Variants in LPCAT2 observed in about 807,000 individuals in gnomAD.
The protein encoded by LPCAT2 is lysophosphatidylcholine acyltransferase 2.
Under a neutral mutation model 64.7 loss-of-function variants are expected in LPCAT2, and 58 were observed. The ratio of observed to expected loss-of-function variants is 0.90; its 90% CI spans 0.73 to 1.12. The LOEUF (loss-of-function observed/expected upper bound fraction) is 1.12. Among genes scored for constraint, LPCAT2 ranks in the 50% most tolerant of loss-of-function variants. The pLI, the probability that LPCAT2 is intolerant of heterozygous loss-of-function variation, is 0.00. For synonymous variants in LPCAT2, 252 were observed against 245.3 expected (o/e 1.03, Z -0.26); for missense variants, 579 against 669.8 (o/e 0.86, Z 1.50).
intron 1 of LPCAT2, among the ~76,000 whole-genome samples, chr16:55,509,997 T>TTTTTTTTTTTTTTTTTTG (rs1962906725): frequency 6.8e-6 from 1 of 147,000 alleles, no homozygotes; most frequent in East Asian, 2.0e-4. Flanking sequence ...AAGTCTTTTT[T>TTTTTTTTTTTTTTTTTTG]TTTTTTTTTT....
chr16:55,579,273 A>G (rs1963863985), intron 13 of LPCAT2, 29 bp downstream of exon 13: 1 of 1,606,412 alleles, frequency 6.2e-7, no homozygotes, highest in South Asian at 1.1e-5. Context: ...CTCCTGACTT[A>G]GTTTACAAGG....
rs753281818 is a variant in LPCAT2 at position 55,509,324 on chromosome 16, C to T, written c.143C>T (p.Thr48Met). 2.7e-6 allele frequency: 4 copies of T among 1,468,068 alleles called. No homozygotes were observed. The highest frequency in any genetic ancestry group is 2.9e-5 in the African/African-American group (2 of 68,858). 90.9% of individuals were successfully genotyped at this position (1,468,068 alleles called of 1,614,324 possible). ...GTGCCGAACCCCTTCGTGCAGCAGA[C>T]GCAGATCGGCTCCGCGAGGCGGGTC... ...PPVPNPFVQQ[T>M]QIGSARRVQI... is the part of the protein sequence containing the mutation. Residue 48 changes from threonine (T) to methionine (M), a missense_variant, in exon 1 of 14, where the codon ACG becomes ATG. Coordinates refer to ENST00000262134, the MANE Select transcript of LPCAT2 (RefSeq NM_017839.5).
Position 55,579,097 on chromosome 16 carries a change from T to G in LPCAT2, c.1315-12T>G. 3.1e-6 allele frequency: 5 copies of G among 1,611,604 alleles called. No individual in the cohort carries two copies. The African/African-American group carries it at 5.3e-5, about 17-fold the overall frequency. On this transcript the variant is annotated splice_polypyrimidine_tract_variant and intron_variant, in intron 12 of 13. Coordinates refer to ENST00000262134, the MANE Select transcript of LPCAT2 (RefSeq NM_017839.5). ...CCTGAGGGAGCTAATTCTTACATTT[T>G]ATTTTCTTCAGCTGTTTGACGTTGA...
chr16:55,557,683 C>G (rs1417768789), intron 11 of LPCAT2, among the ~76,000 whole-genome samples: 2 of 152,070 alleles, frequency 1.3e-5, no homozygotes, highest in African/African-American at 4.8e-5. Context: ...CCCCTTTCTT[C>G]TTTTCTTTTC....
In LPCAT2 at chr16:55,509,219, C is replaced by T. The variant is rs779546294; in HGVS notation, c.38C>T (p.Thr13Ile). 1.4e-6 allele frequency: 2 copies of T among 1,434,542 alleles called. No individual in the cohort carries two copies. The highest frequency in any genetic ancestry group is 2.9e-5 in the South Asian group (2 of 68,968). The allele number at this position is 1,434,542 out of a possible 1,614,324, so 88.9% of individuals were successfully genotyped here. ...RCAQAAEVAATVPGAGVGNVG... is the reference protein window; with the variant it reads ...RCAQAAEVAAIVPGAGVGNVG... ...GCCCAGGCGGCGGAAGTGGCGGCCA[C>T]AGTGCCAGGTGCCGGCGTCGGGAAC... is the stretch of plus-strand genomic sequence containing the variant. The change falls in exon 1 of 14, where the codon ACA becomes ATA. Residue 13 changes from threonine (T) to isoleucine (I), a missense_variant. Transcript: ENST00000262134.
At position 55,551,093 on chromosome 16, in the gene LPCAT2, C is replaced by T. The variant is rs1388732898; in HGVS notation, c.1206C>T (p.Leu402=). 13 of 1,608,854 alleles carry T rather than the reference C, an allele frequency of 8.1e-6. No individual in the cohort carries two copies. Among genetic ancestry groups the T allele is most frequent in the Non-Finnish European group, 1.0e-5 (12 of 1,177,036 alleles). The part of the protein sequence containing the change: ...VSDVLRQLFA[L]FDRNHDGSID... ...ATGTCTTGAGACAACTTTTTGCACTCTTTGACAGGGTATGTTAAAATTTAA... is the reference window on the plus strand; with the variant it reads ...ATGTCTTGAGACAACTTTTTGCACTTTTTGACAGGGTATGTTAAAATTTAA... Residue 402 remains leucine (L), a synonymous_variant, in exon 11 of 14, where the codon CTC becomes CTT. Transcript: ENST00000262134.
chr16:55,511,409 G>A (rs1226616909), intron 1 of LPCAT2, among the ~76,000 whole-genome samples: 2 of 152,148 alleles, frequency 1.3e-5, no homozygotes, highest in East Asian at 3.9e-4. Flanking sequence ...AGTTTAAAAG[G>A]TGGACACACT....
At chr16:55,542,588 G>A (rs1963410673) in intron 8 of LPCAT2, among the ~76,000 whole-genome samples, 1 of 152,050 alleles carries the variant, frequency 6.6e-6, no homozygotes, top group Non-Finnish European at 1.5e-5. Context: ...ATGTGTGATT[G>A]GCACTGTGGG....
chr16:55,534,597 A>T (rs527706415), intron 7 of LPCAT2, 120 bp downstream of exon 7: 54 of 482,326 alleles, frequency 1.1e-4, no homozygotes, highest in Non-Finnish European at 1.8e-4. Flanking sequence ...ATTTAAAAAC[A>T]TAAAGATTTC....
intron 8 of LPCAT2, among the ~76,000 whole-genome samples, chr16:55,542,795 G>T (rs1278836943): frequency 1.3e-5 from 2 of 152,118 alleles, no homozygotes; most frequent in African/African-American, 2.4e-5. Context: ...ATAATGAGGG[G>T]AAACTGAAGA....
intron 11 of LPCAT2, among the ~76,000 whole-genome samples, chr16:55,563,151 A>C (rs918342057): frequency 6.6e-6 from 1 of 151,904 alleles, no homozygotes; most frequent in Admixed American, 6.6e-5. Flanking sequence ...TCAAATTCCT[A>C]CACAACCTAC....
rs143728020 is a variant in LPCAT2, at chr16:55,549,227, C to CTT, written c.936-41_936-40dup. The CTT allele has an allele frequency of 4.2e-3, 5,625 of 1,337,242 alleles. 13 individuals are homozygous for CTT. Among genetic ancestry groups the CTT allele is most frequent in the Middle Eastern group, 0.022 (114 of 5,148 alleles). The allele number at this position is 1,337,242 out of a possible 1,614,324, so 82.8% of individuals were successfully genotyped here. On this transcript the variant is annotated intron_variant, in intron 9 of 13. Transcript: ENST00000262134. Reference sequence around the variant, plus strand: ...GTTAAAGCCTAGTGAAATATGATTACTTTTTTTTTTAAAAAAAATGAATTT... The same window carrying CTT: ...GTTAAAGCCTAGTGAAATATGATTACTTTTTTTTTTTTAAAAAAAATGAATTT...
At chr16:55,560,082 A>T (rs1963619347) in intron 11 of LPCAT2, among the ~76,000 whole-genome samples, 1 of 152,178 alleles carries the variant, frequency 6.6e-6, no homozygotes, top group South Asian at 2.1e-4. Flanking sequence ...AACTAGAGCA[A>T]GGGAGTAATT....
Position 55,583,215 on chromosome 16 carries a change from C to A in LPCAT2, c.*117C>A. The A allele has an allele frequency of 1.3e-6, 1 of 788,840 alleles. No homozygotes were observed. The highest frequency in any genetic ancestry group is 1.9e-6 in the Non-Finnish European group (1 of 528,618). 48.9% of individuals were successfully genotyped at this position (788,840 alleles called of 1,614,324 possible). A position where few individuals can be genotyped will look rare whatever the true frequency, so the allele number is the denominator to read the frequency against. The stretch of plus-strand genomic sequence containing the variant: ...GTTTAAAATTGAAAGATTTTTAAAA[C>A]AAAAATGATAGATTTTCTTACTAAA... On this transcript the variant is annotated 3_prime_UTR_variant, in exon 14 of 14. Transcript: ENST00000262134.
intron 11 of LPCAT2, among the ~76,000 whole-genome samples, chr16:55,571,151 A>G (rs1963765772): frequency 6.6e-6 from 1 of 152,244 alleles, no homozygotes; most frequent in Admixed American, 6.5e-5. Context: ...AAAGTTATAA[A>G]GAGTATCTAA....
At chr16:55,558,676 T>A (rs1190593704) in intron 11 of LPCAT2, among the ~76,000 whole-genome samples, 3 of 152,190 alleles carry the variant, frequency 2.0e-5, no homozygotes, top group African/African-American at 7.2e-5. Context: ...GCAGACCACA[T>A]GGTGTCTGTT....
chr16:55,577,846 G>A (rs1963845001), intron 12 of LPCAT2, among the ~76,000 whole-genome samples: 1 of 152,028 alleles, frequency 6.6e-6, no homozygotes, highest in Non-Finnish European at 1.5e-5. Context: ...AAAATGAAGA[G>A]TCCATATTTC....
intron 1 of LPCAT2, among the ~76,000 whole-genome samples, chr16:55,515,541 G>GT (rs1396638857): frequency 4.6e-5 from 7 of 152,184 alleles, no homozygotes; most frequent in African/African-American, 1.7e-4. Flanking sequence ...ATAATCAGCA[G>GT]TGGTAAAGGT....
In LPCAT2 at chr16:55,586,556, T is replaced by C. The variant is rs1431342271; in HGVS notation, c.*3458T>C. ...AAGTTTCTTACATTTTCCAATGTCA[T>C]TAAAATTCTCTGTGAATGTAAATTT... On this transcript the variant is annotated 3_prime_UTR_variant, in exon 14 of 14. Coordinates refer to ENST00000262134, the MANE Select transcript of LPCAT2 (RefSeq NM_017839.5). 1 of 127,014 alleles carries C rather than the reference T, an allele frequency of 7.9e-6. No homozygotes were observed. Among genetic ancestry groups the C allele is most frequent in the Non-Finnish European group, 1.5e-5 (1 of 67,462 alleles). The allele number at this position is 127,014 out of a possible 1,614,324, so 7.9% of individuals were successfully genotyped here. A position where few individuals can be genotyped will look rare whatever the true frequency, so the allele number is the denominator to read the frequency against.
Sources: gnomAD v4.1 joint callset for allele counts (sites outside exome capture counted in the v4.1 genomes callset) on GRCh38, gnomAD v4.1.1 for gene constraint, MANE v1.5 for transcripts, NCBI Gene and HGNC (gene_info 2026-07-23, HGNC 2026-07-21) for gene names.